FARS2: variants seen among roughly 807,000 people sequenced by gnomAD.
FARS2 encodes phenylalanyl-tRNA synthetase 2, mitochondrial, also known as phenylalanine--tRNA ligase, mitochondrial.
In FARS2, 40 loss-of-function variants were observed where a neutral mutation model predicts 46.4. The ratio of observed to expected loss-of-function variants is 0.86; its 90% CI spans 0.67 to 1.12. The LOEUF (loss-of-function observed/expected upper bound fraction) is 1.12, where lower values mean the gene tolerates loss of function less well. Ranked by LOEUF, FARS2 falls within the 50% of genes most tolerant of loss-of-function variation. The probability of loss-of-function intolerance (pLI) is 0.00; values close to 1 mark genes in which losing one functional copy is unlikely to be tolerated. For missense variants in FARS2, 513 were observed against 567.9 expected, an observed-to-expected ratio of 0.90 and a Z score of 0.98; for synonymous variants, 234 against 214.9, an observed-to-expected ratio of 1.09 and a Z score of -0.78.
chr6:5,694,727 G>C (rs909072024), intron 6 of FARS2, among the ~76,000 whole-genome samples: 1 of 151,992 alleles, frequency 6.6e-6, no homozygotes, highest in African/African-American at 2.4e-5. Context: ...GTAACGGCCA[G>C]GTGCAGTGGC....
At chr6:5,473,416 A>G (rs1765914402) in intron 4 of FARS2, among the ~76,000 whole-genome samples, 1 of 151,978 alleles carries the variant, frequency 6.6e-6, no homozygotes, top group East Asian at 1.9e-4. Flanking sequence ...AGTCCCCGCT[A>G]CTTGGGAGGC....
chr6:5,358,299 A>G (rs1256458433), intron 1 of FARS2, among the ~76,000 whole-genome samples: 1 of 151,940 alleles, frequency 6.6e-6, no homozygotes, highest in Non-Finnish European at 1.5e-5. Flanking sequence ...AAAAACTGTT[A>G]TATATATATG....
At chr6:5,710,395 A>T (rs1168438433) in intron 6 of FARS2, among the ~76,000 whole-genome samples, 1 of 152,226 alleles carries the variant, frequency 6.6e-6, no homozygotes, top group African/African-American at 2.4e-5. Context: ...TCAGGCCAAG[A>T]TAGAGTCACA....
intron 1 of FARS2, among the ~76,000 whole-genome samples, chr6:5,305,761 G>T (rs1407074868): frequency 6.6e-6 from 1 of 152,094 alleles, no homozygotes; most frequent in Non-Finnish European, 1.5e-5. Context: ...TCCCACTATA[G>T]CCCCTACAAG....
Position 5,545,235 on chromosome 6 carries a change from C to G in FARS2, c.960C>G (p.Ala320=), listed in dbSNP as rs1770893209. ...WAFGLGLERL[A]MILYDIPDIR... ...TTGGCCTAGGATTAGAAAGGCTAGC[C>G]ATGATCCTCTACGACATCCCTGATA... The change falls in exon 5 of 7, where the codon GCC becomes GCG. Residue 320 remains alanine (A), a synonymous_variant. Transcript: ENST00000274680. 6.2e-7 allele frequency: 1 copy of G among 1,614,014 alleles called. No individual in the cohort carries two copies. Among genetic ancestry groups the G allele is most frequent in the East Asian group, 2.2e-5 (1 of 44,874 alleles).
intron 6 of FARS2, among the ~76,000 whole-genome samples, chr6:5,717,619 A>G (rs1759585478): frequency 6.6e-6 from 1 of 151,984 alleles, no homozygotes. Context: ...AGACTACTTC[A>G]TGAGTGGTGT....
chr6:5,506,282 G>A (rs1582298888), intron 4 of FARS2, among the ~76,000 whole-genome samples: 2 of 152,300 alleles, frequency 1.3e-5, no homozygotes, highest in East Asian at 1.9e-4. Context: ...GCGGGACTCA[G>A]TAAAGGGCAG....
At chr6:5,370,358 G>A (rs905512902) in intron 2 of FARS2, among the ~76,000 whole-genome samples, 6 of 151,720 alleles carry the variant, frequency 4.0e-5, no homozygotes, top group East Asian at 1.9e-4. Flanking sequence ...GATCTCGGGG[G>A]ATCTCAAATG....
At chr6:5,614,974 A>G (rs867976095) in intron 6 of FARS2, among the ~76,000 whole-genome samples, 3 of 152,184 alleles carry the variant, frequency 2.0e-5, no homozygotes, top group Admixed American at 1.3e-4. Flanking sequence ...TGTCCTCTCA[A>G]GTTTAATTTC....
chr6:5,582,670 T>G (rs1177551609), intron 5 of FARS2, among the ~76,000 whole-genome samples: 1 of 152,250 alleles, frequency 6.6e-6, no homozygotes, highest in Non-Finnish European at 1.5e-5. Context: ...TAAGTTTGTG[T>G]GTATATACTG....
At chr6:5,641,079 G>A (rs922576017) in intron 6 of FARS2, among the ~76,000 whole-genome samples, 12 of 152,160 alleles carry the variant, frequency 7.9e-5, no homozygotes, top group African/African-American at 2.9e-4. Context: ...GGGAAGAGGA[G>A]TACTGTGAGA....
chr6:5,519,242 T>C (rs926361830), intron 4 of FARS2, among the ~76,000 whole-genome samples: 2 of 152,184 alleles, frequency 1.3e-5, no homozygotes, highest in Non-Finnish European at 2.9e-5. Flanking sequence ...GTAAGATAGA[T>C]TGGCTTTAGA....
At position 5,308,580 on chromosome 6, in the gene FARS2, T is replaced by C. The variant is rs187997616; in HGVS notation, c.-22+46920T>C. 2.0e-5 allele frequency among the ~76,000 whole-genome samples: 3 copies of C among 152,348 alleles called. No individual in the cohort carries two copies. In the East Asian group the frequency reaches 5.8e-4, roughly 29 times the overall value. On this transcript the variant is annotated intron_variant, in intron 1 of 6. Transcript: ENST00000274680. ...CATGAGCTTGAATGTGACAGCAATGTCAAATTGCTACAAAAGTTTCTGTGT... is the reference window on the plus strand; with the variant it reads ...CATGAGCTTGAATGTGACAGCAATGCCAAATTGCTACAAAAGTTTCTGTGT...
intron 4 of FARS2, among the ~76,000 whole-genome samples, chr6:5,494,376 G>T (rs577352879): frequency 6.6e-6 from 1 of 152,170 alleles, no homozygotes; most frequent in Non-Finnish European, 1.5e-5. Context: ...TCCTGTAGCC[G>T]CAGGACTGGA....
chr6:5,676,081 A>T (rs1454036280), intron 6 of FARS2, among the ~76,000 whole-genome samples: 1 of 152,198 alleles, frequency 6.6e-6, no homozygotes, highest in African/African-American at 2.4e-5. Flanking sequence ...ATAAAAAAAA[A>T]TAGTAAAATG....
intron 1 of FARS2, among the ~76,000 whole-genome samples, chr6:5,309,813 T>A (rs1455267714): frequency 2.6e-5 from 4 of 152,210 alleles, no homozygotes; most frequent in Admixed American, 6.5e-5. Flanking sequence ...CAACAGAGTT[T>A]TGTTGCTCTT....
At chr6:5,334,817 G>A (rs1341188265) in intron 1 of FARS2, among the ~76,000 whole-genome samples, 2 of 152,040 alleles carry the variant, frequency 1.3e-5, no homozygotes, top group Non-Finnish European at 2.9e-5. Context: ...CTTAATATCA[G>A]GAAAACAATC....
At chr6:5,768,583 C>T (rs1342785822) in intron 6 of FARS2, among the ~76,000 whole-genome samples, 1 of 152,244 alleles carries the variant, frequency 6.6e-6, no homozygotes, top group Non-Finnish European at 1.5e-5. Context: ...TTATAATTTG[C>T]AGAGTCCTGT....
intron 6 of FARS2, among the ~76,000 whole-genome samples, chr6:5,751,986 T>C (rs762685128): frequency 6.6e-6 from 1 of 152,178 alleles, no homozygotes; most frequent in South Asian, 2.1e-4. Flanking sequence ...TGGGGTGTCC[T>C]GGGATGCGTC....
Sources: gnomAD v4.1 joint callset for allele counts (sites outside exome capture counted in the v4.1 genomes callset) on GRCh38, gnomAD v4.1.1 for gene constraint, MANE v1.5 for transcripts, NCBI Gene and HGNC (gene_info 2026-07-23, HGNC 2026-07-21) for gene names.